ABCB5: variants seen among roughly 807,000 people sequenced by gnomAD.
ABCB5 encodes the protein ATP-binding cassette sub-family B member 5.
A neutral mutation model predicts 144.2 loss-of-function variants in ABCB5; 155 were observed. The ratio of observed to expected loss-of-function variants is 1.08; its 90% CI spans 0.94 to 1.23. The LOEUF (loss-of-function observed/expected upper bound fraction) is 1.23. ABCB5 is among the 50% of genes most tolerant of loss of function. The probability of loss-of-function intolerance (pLI) is 0.00; values close to 1 mark genes in which losing one functional copy is unlikely to be tolerated. For missense variants in ABCB5, 1,830 were observed against 1,520.8 expected, an observed-to-expected ratio of 1.20 and a Z score of -3.38; for synonymous variants, 610 against 528.6, an observed-to-expected ratio of 1.15 and a Z score of -2.11.
chr7:20,648,777 A>G (rs1481472247), intron 11 of ABCB5, among the ~76,000 whole-genome samples: 4 of 152,244 alleles, frequency 2.6e-5, no homozygotes, highest in Non-Finnish European at 4.4e-5. Flanking sequence ...GAATTTGTAT[A>G]AAGACCTACC....
chr7:20,623,533 A>T (rs1452122201), intron 2 of ABCB5, among the ~76,000 whole-genome samples, 195 bp downstream of exon 2: 1 of 152,208 alleles, frequency 6.6e-6, no homozygotes, highest in Non-Finnish European at 1.5e-5. Flanking sequence ...GATTAATTGT[A>T]ATAGGATTTA....
intron 14 of ABCB5, among the ~76,000 whole-genome samples, chr7:20,676,855 C>G (rs1332605956): frequency 6.6e-6 from 1 of 152,088 alleles, no homozygotes; most frequent in Non-Finnish European, 1.5e-5. Flanking sequence ...GGTTAAAAAA[C>G]TTGTCTAAGT....
chr7:20,736,704 T>C (rs1163696441), intron 23 of ABCB5, among the ~76,000 whole-genome samples: 1 of 152,236 alleles, frequency 6.6e-6, no homozygotes, highest in Non-Finnish European at 1.5e-5. Context: ...GGTTTAACTA[T>C]GTTACGGAGT....
chr7:20,746,603 C>A (rs1489643469), intron 26 of ABCB5, among the ~76,000 whole-genome samples: 1 of 152,148 alleles, frequency 6.6e-6, no homozygotes, highest in Non-Finnish European at 1.5e-5. Flanking sequence ...TTTTTTATCA[C>A]CTTGATGTCT....
At chr7:20,741,679 C>T (rs1300854876) in intron 24 of ABCB5, among the ~76,000 whole-genome samples, 1 of 151,946 alleles carries the variant, frequency 6.6e-6, no homozygotes, top group Non-Finnish European at 1.5e-5. Context: ...CCTACCTGCC[C>T]TTGCTTCTTA....
intron 5 of ABCB5, among the ~76,000 whole-genome samples, chr7:20,635,081 A>G (rs1784125126): frequency 6.6e-6 from 1 of 152,078 alleles, no homozygotes; most frequent in African/African-American, 2.4e-5. Context: ...ATGTTTGTAT[A>G]TGGTGAGAGA....
chr7:20,668,575 C>A (rs1172527879), intron 14 of ABCB5, among the ~76,000 whole-genome samples: 1 of 150,612 alleles, frequency 6.6e-6, no homozygotes, highest in Admixed American at 6.6e-5. Context: ...GCAGCCACCC[C>A]GTCCGGGAGG....
intron 4 of ABCB5, among the ~76,000 whole-genome samples, chr7:20,629,377 A>T (rs1783982753): frequency 1.3e-5 from 2 of 152,184 alleles, no homozygotes; most frequent in African/African-American, 4.8e-5. Flanking sequence ...TAAGAATTCA[A>T]ATAACTTTTT....
At chr7:20,674,621 T>C (rs1219277539) in intron 14 of ABCB5, among the ~76,000 whole-genome samples, 2 of 151,450 alleles carry the variant, frequency 1.3e-5, no homozygotes, top group African/African-American at 4.8e-5. Context: ...TCTTACCACT[T>C]GCATTCAACA....
At chr7:20,654,184 T>G (rs76157869) in intron 13 of ABCB5, among the ~76,000 whole-genome samples, 8,730 of 152,256 alleles carry the variant, frequency 0.057, 349 homozygotes, top group South Asian at 0.14. Context: ...GCACTGTTTT[T>G]TTTTTGTTTT....
intron 26 of ABCB5, among the ~76,000 whole-genome samples, chr7:20,750,767 G>T (rs1454699216): frequency 6.6e-6 from 1 of 151,218 alleles, no homozygotes; most frequent in Non-Finnish European, 1.5e-5. Context: ...AAACCAGAAG[G>T]GTGCAGAGCA....
intron 20 of ABCB5, among the ~76,000 whole-genome samples, chr7:20,711,251 C>T (rs1038706784): frequency 1.3e-5 from 2 of 149,458 alleles, no homozygotes; most frequent in South Asian, 4.3e-4. Flanking sequence ...TGGTCTCTTC[C>T]TTCCTTATTC....
chr7:20,682,375 G>A (rs557992640), intron 15 of ABCB5, among the ~76,000 whole-genome samples: 1 of 152,210 alleles, frequency 6.6e-6, no homozygotes, highest in South Asian at 2.1e-4. Context: ...AAAAGAAAAA[G>A]CAAGATTGAT....
intron 13 of ABCB5, among the ~76,000 whole-genome samples, chr7:20,652,029 G>C (rs1421469288): frequency 6.6e-6 from 1 of 152,054 alleles, no homozygotes; most frequent in Non-Finnish European, 1.5e-5. Context: ...AGATTGAAAA[G>C]AATCATATTT....
At chr7:20,647,727 C>T in intron 10 of ABCB5, 79 bp downstream of exon 10, 1 of 1,518,476 alleles carries the variant, frequency 6.6e-7, no homozygotes, top group East Asian at 2.5e-5. Flanking sequence ...CTCATTTTCA[C>T]TAAAACAATA....
At chr7:20,725,170 G>T (rs558272900) in intron 21 of ABCB5, among the ~76,000 whole-genome samples, 1 of 152,156 alleles carries the variant, frequency 6.6e-6, no homozygotes, top group African/African-American at 2.4e-5. Context: ...ATTTCCCTAT[G>T]GCTTTTAATA....
chr7:20,667,343 C>T, intron 14 of ABCB5: 1 of 984,858 alleles, frequency 1.0e-6, no homozygotes, highest in Non-Finnish European at 1.2e-6. Flanking sequence ...AGTGAATCCC[C>T]TGTGAAGAAA....
Position 20,643,621 on chromosome 7 carries a change from G to T in ABCB5, c.667G>T (p.Ala223Ser), listed in dbSNP as rs375432963. ...TCCTCTTATAATGGCTTCAGCGGCAGCATGTTCTAGGGTAAGTGAGATGGC... is the reference window on the plus strand; with the variant it reads ...TCCTCTTATAATGGCTTCAGCGGCATCATGTTCTAGGGTAAGTGAGATGGC... The part of the protein sequence containing the change: ...TSPLIMASAA[A>S]CSRMVISLTS... The change falls in exon 7 of 28, where the codon GCA (alanine) becomes TCA (serine). Residue 223 changes from alanine to serine, a missense_variant. By Grantham distance (99) the Ala-to-Ser change is moderately conservative (BLOSUM62 1). Coordinates refer to ENST00000404938, the MANE Select transcript of ABCB5 (RefSeq NM_001163941.2). 4.3e-6 allele frequency: 7 copies of T among 1,613,802 alleles called. No homozygotes were observed. Among genetic ancestry groups the T allele is most frequent in the South Asian group, 1.1e-5 (1 of 91,088 alleles).
intron 1 of ABCB5, among the ~76,000 whole-genome samples, chr7:20,616,112 T>G (rs1046008301): frequency 6.6e-6 from 1 of 152,240 alleles, no homozygotes; most frequent in African/African-American, 2.4e-5. Context: ...GTTGGCTCAC[T>G]GCAACCTCCG....
Sources: allele counts gnomAD v4.1 joint callset (sites outside exome capture counted in the v4.1 genomes callset), GRCh38; gene constraint gnomAD v4.1.1; transcripts MANE v1.5; gene names NCBI Gene and HGNC (gene_info 2026-07-23, HGNC 2026-07-21).